ADK: variants seen among roughly 807,000 people sequenced by gnomAD.
ADK encodes the protein N6,N6-dimethyladenosine kinase.
ADK carries 24 observed loss-of-function variants against 44.7 expected under a neutral mutation model. That is an observed-to-expected ratio of 0.54 (90% CI 0.39 to 0.76). The LOEUF (loss-of-function observed/expected upper bound fraction) is 0.76. Ranked by LOEUF, ADK falls within the 30% of genes least tolerant of loss-of-function variation. The pLI, the probability that ADK is intolerant of heterozygous loss-of-function variation, is 0.00. For missense variants in ADK, 321 were observed against 425.1 expected, an observed-to-expected ratio of 0.76 and a Z score of 2.15; for synonymous variants, 128 against 142.6, an observed-to-expected ratio of 0.90 and a Z score of 0.73.
In ADK at chr10:74,598,301, A is replaced by C. The variant is rs183743012; in HGVS notation, c.763-2078A>C. ...GAAGAATTATGTTTTGTACTTGGAA[A>C]GTTTATTTTGTCCTTTAATTGCCAT... On this transcript the variant is annotated intron_variant, in intron 8 of 10. Transcript: ENST00000539909. 3.1e-3 allele frequency among the ~76,000 whole-genome samples: 458 copies of C among 147,836 alleles called. 1 individual carries two copies. The highest frequency in any genetic ancestry group is 0.011 in the African/African-American group (438 of 41,274).
chr10:74,294,191 G>T (rs1423147265), intron 3 of ADK, among the ~76,000 whole-genome samples: 1 of 151,806 alleles, frequency 6.6e-6, no homozygotes, highest in African/African-American at 2.4e-5. Flanking sequence ...ATGAATATTT[G>T]GGTTGTTACT....
intron 7 of ADK, among the ~76,000 whole-genome samples, chr10:74,556,323 C>T (rs534420316): frequency 4.6e-5 from 7 of 152,270 alleles, no homozygotes; most frequent in South Asian, 2.1e-4. Context: ...TTATTTTCTA[C>T]GTAAGGACTG....
chr10:74,585,720 C>T (rs1851506230), intron 7 of ADK, among the ~76,000 whole-genome samples: 1 of 152,182 alleles, frequency 6.6e-6, no homozygotes, highest in South Asian at 2.1e-4. Context: ...AACCGCCCTG[C>T]TTTTCTATTC....
intron 3 of ADK, among the ~76,000 whole-genome samples, chr10:74,283,881 C>T (rs535309509): frequency 4.3e-4 from 65 of 151,592 alleles, no homozygotes; most frequent in African/African-American, 6.0e-4. Context: ...GGGGTTTCAC[C>T]GTGTTAGCCT....
intron 7 of ADK, among the ~76,000 whole-genome samples, chr10:74,545,003 G>C (rs73274172): frequency 0.031 from 4,498 of 146,358 alleles, 191 homozygotes; most frequent in African/African-American, 0.095. Context: ...TTTTCATGTT[G>C]ATCACTTTAC....
chr10:74,557,940 G>C (rs1471308873), intron 7 of ADK, among the ~76,000 whole-genome samples: 1 of 152,122 alleles, frequency 6.6e-6, no homozygotes, highest in Admixed American at 6.5e-5. Context: ...GTTGAGGTTT[G>C]GCCTTAACAT....
At chr10:74,274,681 G>A (rs1465181316) in intron 3 of ADK, among the ~76,000 whole-genome samples, 2 of 145,498 alleles carry the variant, frequency 1.4e-5, no homozygotes, top group Non-Finnish European at 3.0e-5. Context: ...AGGAGGGGTT[G>A]CTTTTTAAGA....
intron 7 of ADK, among the ~76,000 whole-genome samples, chr10:74,531,676 G>A (rs936536678): frequency 1.3e-5 from 2 of 152,042 alleles, no homozygotes; most frequent in Non-Finnish European, 2.9e-5. Flanking sequence ...TAGGACGACA[G>A]GTGCAAACCA....
intron 7 of ADK, among the ~76,000 whole-genome samples, chr10:74,552,323 CTTAT>C (rs1194539273): frequency 3.9e-5 from 6 of 152,074 alleles, no homozygotes; most frequent in African/African-American, 1.4e-4. Flanking sequence ...GCTGTCAGCA[CTTAT>C]TTGAGATTTT....
intron 4 of ADK, among the ~76,000 whole-genome samples, chr10:74,361,156 G>A (rs1460045301): frequency 4.6e-5 from 7 of 152,088 alleles, no homozygotes; most frequent in African/African-American, 1.2e-4. Context: ...CACCCGCCTC[G>A]GCCTCCCAAA....
intron 3 of ADK, among the ~76,000 whole-genome samples, chr10:74,235,330 A>T (rs1432333229): frequency 1.3e-5 from 2 of 151,930 alleles, no homozygotes; most frequent in Admixed American, 6.6e-5. Context: ...GTTTAAAAAA[A>T]TTTTCCTTTT....
intron 1 of ADK, among the ~76,000 whole-genome samples, chr10:74,183,667 C>T (rs1460008519): frequency 1.3e-5 from 2 of 151,766 alleles, no homozygotes; most frequent in Non-Finnish European, 2.9e-5. Flanking sequence ...TGTGCCACCA[C>T]ACCTGGCTGA....
chr10:74,434,505 G>A (rs1289328195), intron 6 of ADK, among the ~76,000 whole-genome samples: 1 of 152,132 alleles, frequency 6.6e-6, no homozygotes, highest in East Asian at 1.9e-4. Flanking sequence ...TAAATAGAAT[G>A]AATATTCCAG....
At chr10:74,687,423 C>A (rs893662743) in intron 10 of ADK, among the ~76,000 whole-genome samples, 3 of 152,202 alleles carry the variant, frequency 2.0e-5, no homozygotes, top group Admixed American at 2.0e-4. Context: ...CAGTAGGACA[C>A]TAGGAGAACC....
intron 6 of ADK, among the ~76,000 whole-genome samples, chr10:74,447,981 C>A (rs1342523346): frequency 1.3e-5 from 2 of 152,200 alleles, no homozygotes; most frequent in Admixed American, 1.3e-4. Flanking sequence ...CGAGACCAGT[C>A]TGGCCAATGT....
At chr10:74,526,567 A>T (rs1377569566) in intron 7 of ADK, among the ~76,000 whole-genome samples, 1 of 152,198 alleles carries the variant, frequency 6.6e-6, no homozygotes, top group Non-Finnish European at 1.5e-5. Context: ...TTTATATCTA[A>T]TAACTGCCAT....
At chr10:74,174,621 G>A (rs183553706) in intron 1 of ADK, 1 of 152,342 alleles carries the variant, frequency 6.6e-6, no homozygotes, top group African/African-American at 2.4e-5. Flanking sequence ...AAGAGAAGGT[G>A]GGTAACTCTA....
At chr10:74,608,561 C>T (rs1263756310) in intron 9 of ADK, among the ~76,000 whole-genome samples, 2 of 152,136 alleles carry the variant, frequency 1.3e-5, no homozygotes. Context: ...CCAGCAGAGG[C>T]TGCAGAACAG....
intron 3 of ADK, among the ~76,000 whole-genome samples, chr10:74,262,083 C>T (rs1179938763): frequency 6.6e-6 from 1 of 152,070 alleles, no homozygotes; most frequent in East Asian, 1.9e-4. Flanking sequence ...CTTTGGGAGG[C>T]CGAGGTGTGT....
Sources: gnomAD v4.1 joint callset for allele counts (sites outside exome capture counted in the v4.1 genomes callset) on GRCh38, gnomAD v4.1.1 for gene constraint, MANE v1.5 for transcripts, NCBI Gene and HGNC (gene_info 2026-07-23, HGNC 2026-07-21) for gene names.